Variants in PTPRT observed in about 807,000 individuals in gnomAD.
PTPRT encodes the protein receptor-type tyrosine-protein phosphatase T.
A neutral mutation model predicts 176.8 loss-of-function variants in PTPRT; 56 were observed. The observed-to-expected ratio is 0.32, with a 90% CI of 0.26 to 0.40. The LOEUF is 0.40. Ranked by LOEUF, PTPRT falls within the 10% of genes least tolerant of loss-of-function variation. The pLI is 1.00. For synonymous variants in PTPRT, 783 were observed against 739.0 expected (o/e 1.06, Z -0.96); for missense variants, 1,540 against 1,908.2 (o/e 0.81, Z 3.60).
intron 9 of PTPRT, among the ~76,000 whole-genome samples, chr20:42,381,102 T>C (rs1037503517): frequency 3.3e-5 from 5 of 152,112 alleles, no homozygotes; most frequent in Admixed American, 1.3e-4. Flanking sequence ...TGTTAAACGA[T>C]GAGAAACTGC....
chr20:43,033,651 T>C (rs537374746), intron 1 of PTPRT, among the ~76,000 whole-genome samples: 1 of 152,200 alleles, frequency 6.6e-6, no homozygotes, highest in Non-Finnish European at 1.5e-5. Context: ...ATCTCCTTCT[T>C]TCACAGAGGT....
At chr20:42,946,129 G>C (rs1980870425) in intron 1 of PTPRT, among the ~76,000 whole-genome samples, 1 of 152,174 alleles carries the variant, frequency 6.6e-6, no homozygotes, top group African/African-American at 2.4e-5. Context: ...AGAGTACAGA[G>C]CTGATAGCCA....
chr20:42,099,542 T>TGGGTGGGGGGG (rs1325217305), intron 26 of PTPRT, among the ~76,000 whole-genome samples: 2 of 8,718 alleles, frequency 2.3e-4, no homozygotes, highest in Middle Eastern at 0.062. Context: ...GAAAATGGCC[T>TGGGTGGGGGGG]GGGCGGGGGG....
intron 17 of PTPRT, among the ~76,000 whole-genome samples, chr20:42,153,823 G>T (rs932984713): frequency 1.3e-5 from 2 of 152,146 alleles, no homozygotes; most frequent in East Asian, 1.9e-4. Flanking sequence ...ACTGCCAGGG[G>T]CCATGATCAT....
intron 6 of PTPRT, among the ~76,000 whole-genome samples, chr20:42,680,219 G>A (rs1367986577): frequency 1.3e-5 from 2 of 152,112 alleles, no homozygotes; most frequent in Non-Finnish European, 2.9e-5. Flanking sequence ...ATGAAACAGG[G>A]GTGGACAATA....
At chr20:43,127,921 G>A (rs144603983) in intron 1 of PTPRT, among the ~76,000 whole-genome samples, 26 of 152,278 alleles carry the variant, frequency 1.7e-4, no homozygotes, top group Non-Finnish European at 2.5e-4. Context: ...TTGATTGAGC[G>A]ATTTTCCCAA....
chr20:42,893,471 G>C (rs2079231791), intron 1 of PTPRT, among the ~76,000 whole-genome samples: 3 of 151,212 alleles, frequency 2.0e-5, no homozygotes, highest in Admixed American at 2.0e-4. Context: ...CAGGGATCTA[G>C]AACTAGAAAT....
At chr20:43,161,116 G>T (rs1401757816) in intron 1 of PTPRT, among the ~76,000 whole-genome samples, 2 of 152,174 alleles carry the variant, frequency 1.3e-5, no homozygotes, top group Non-Finnish European at 2.9e-5. Flanking sequence ...ACGGCCAGAG[G>T]GGGCCAGCTG....
At chr20:42,258,258 C>G (rs1482518868) in intron 13 of PTPRT, among the ~76,000 whole-genome samples, 1 of 152,140 alleles carries the variant, frequency 6.6e-6, no homozygotes, top group African/African-American at 2.4e-5. Flanking sequence ...GCCCTCGCAC[C>G]CACGTATCCT....
intron 2 of PTPRT, among the ~76,000 whole-genome samples, chr20:42,807,789 T>C (rs1444047930): frequency 1.3e-5 from 2 of 152,334 alleles, no homozygotes; most frequent in Middle Eastern, 3.4e-3. Flanking sequence ...CTTTTACTAA[T>C]TATGTGCCCG....
intron 1 of PTPRT, among the ~76,000 whole-genome samples, chr20:43,148,120 G>T: frequency 6.6e-6 from 1 of 152,098 alleles, no homozygotes; most frequent in South Asian, 2.1e-4. Context: ...CTGGTTGGGT[G>T]GGGGGATCTG....
intron 9 of PTPRT, among the ~76,000 whole-genome samples, chr20:42,353,183 C>T (rs1003055262): frequency 7.2e-5 from 11 of 152,204 alleles, no homozygotes; most frequent in Non-Finnish European, 1.5e-4. Flanking sequence ...ACACTGCAGT[C>T]ATAGAACAGT....
intron 1 of PTPRT, among the ~76,000 whole-genome samples, chr20:43,054,568 GA>G (rs539616628): frequency 0.095 from 11,348 of 119,564 alleles, 471 homozygotes; most frequent in South Asian, 0.19. Flanking sequence ...AAAAGAAGGG[GA>G]AAAAAAAAAA....
chr20:42,482,614 G>T (rs2145336616), intron 7 of PTPRT, among the ~76,000 whole-genome samples: 1 of 152,240 alleles, frequency 6.6e-6, no homozygotes, highest in Non-Finnish European at 1.5e-5. Flanking sequence ...AATCAGAAAA[G>T]TATGTAACAC....
intron 2 of PTPRT, among the ~76,000 whole-genome samples, chr20:42,811,395 T>A (rs977110702): frequency 8.5e-5 from 13 of 152,120 alleles, no homozygotes; most frequent in Non-Finnish European, 1.6e-4. Flanking sequence ...AGTTTTTTTT[T>A]AACACTGTAT....
intron 1 of PTPRT, among the ~76,000 whole-genome samples, chr20:43,039,366 A>C (rs533770222): frequency 1.4e-3 from 110 of 76,586 alleles, no homozygotes; most frequent in East Asian, 6.8e-3. Flanking sequence ...TAAAAAAAAA[A>C]CCACAAAATC....
chr20:42,797,650 C>A (rs2077471072), intron 2 of PTPRT, among the ~76,000 whole-genome samples: 1 of 151,886 alleles, frequency 6.6e-6, no homozygotes, highest in African/African-American at 2.4e-5. Context: ...CCTTTCATGG[C>A]AAGAGAATTA....
intron 1 of PTPRT, among the ~76,000 whole-genome samples, chr20:43,040,475 T>C (rs934246372): frequency 2.0e-5 from 3 of 152,220 alleles, no homozygotes; most frequent in Non-Finnish European, 4.4e-5. Context: ...CACGAAATTA[T>C]AACAGCCAAT....
chr20:42,287,607 G>T (rs1003918734), intron 12 of PTPRT, among the ~76,000 whole-genome samples: 1 of 151,780 alleles, frequency 6.6e-6, no homozygotes. Flanking sequence ...AAGATTTGTT[G>T]AAGGATACAA....
Sources: gnomAD v4.1 joint callset for allele counts (sites outside exome capture counted in the v4.1 genomes callset) on GRCh38, gnomAD v4.1.1 for gene constraint, MANE v1.5 for transcripts, NCBI Gene and HGNC (gene_info 2026-07-23, HGNC 2026-07-21) for gene names.